The following TTC8 variants were observed in gnomAD, a reference collection of about 807,000 sequenced individuals.
TTC8 encodes tetratricopeptide repeat domain 8, also known as tetratricopeptide repeat protein 8.
Under a neutral mutation model 72.5 loss-of-function variants are expected in TTC8, and 47 were observed. That is an observed-to-expected ratio of 0.65 (90% CI 0.51 to 0.83). The LOEUF is 0.83. Ranked by LOEUF, TTC8 falls within the 40% of genes least tolerant of loss-of-function variation. The pLI is 0.00. For missense variants in TTC8, 611 were observed against 623.2 expected, an observed-to-expected ratio of 0.98 and a Z score of 0.21; for synonymous variants, 199 against 221.4, an observed-to-expected ratio of 0.90 and a Z score of 0.90.
chr14:88,825,021 A>C (rs2094692616), intron 1 of TTC8, among the ~76,000 whole-genome samples, 200 bp downstream of exon 1: 1 of 152,176 alleles, frequency 6.6e-6, no homozygotes, highest in South Asian at 2.1e-4. Flanking sequence ...GGGGATAGCA[A>C]GTTCTGTGCC....
At chr14:88,857,655 C>T (rs985885903) in intron 9 of TTC8, among the ~76,000 whole-genome samples, 2 of 152,090 alleles carry the variant, frequency 1.3e-5, no homozygotes, top group Admixed American at 1.3e-4. Context: ...CCTAGTTACT[C>T]GGCTGAGGCA....
At chr14:88,848,653 C>T (rs1202481608) in intron 7 of TTC8, among the ~76,000 whole-genome samples, 1 of 152,036 alleles carries the variant, frequency 6.6e-6, no homozygotes, top group East Asian at 1.9e-4. Context: ...AAACACTAGG[C>T]AGAAACATGG....
chr14:88,839,860 T>C (rs2094771999), intron 3 of TTC8, among the ~76,000 whole-genome samples: 1 of 152,232 alleles, frequency 6.6e-6, no homozygotes, highest in Admixed American at 6.5e-5. Context: ...AAATAATTTA[T>C]ACCTACATTC....
At chr14:88,843,444 GT>G (rs931983656) in intron 6 of TTC8, among the ~76,000 whole-genome samples, 6 of 151,986 alleles carry the variant, frequency 3.9e-5, no homozygotes, top group African/African-American at 9.7e-5. Context: ...GAAACTTCCA[GT>G]TTTTTTATGT....
At chr14:88,840,427 T>G (rs1172175300) in intron 3 of TTC8, among the ~76,000 whole-genome samples, 1 of 152,214 alleles carries the variant, frequency 6.6e-6, no homozygotes, top group Non-Finnish European at 1.5e-5. Context: ...TTCTTTACCA[T>G]TATTTTGTTC....
chr14:88,869,641 G>A (rs972481002), intron 10 of TTC8, among the ~76,000 whole-genome samples: 1 of 151,938 alleles, frequency 6.6e-6, no homozygotes, highest in Non-Finnish European at 1.5e-5. Context: ...CCCCTCTCAG[G>A]CTCATACATT....
At chr14:88,848,462 TCA>T (rs1451676142) in intron 7 of TTC8, among the ~76,000 whole-genome samples, 1 of 152,212 alleles carries the variant, frequency 6.6e-6, no homozygotes, top group Non-Finnish European at 1.5e-5. Context: ...TTCTGTAATT[TCA>T]CTTCTCAGGA....
rs759284281 is a variant in TTC8, at chr14:88,871,483, A to G, written c.1050-66A>G. 20 of 1,334,770 alleles carry G rather than the reference A, an allele frequency of 1.5e-5. No individual in the cohort carries two copies. The highest frequency in any genetic ancestry group is 2.1e-5 in the Non-Finnish European group (20 of 949,816). The allele number at this position is 1,334,770 out of a possible 1,614,324, so 82.7% of individuals were successfully genotyped here. On this transcript the variant is annotated intron_variant, in intron 11 of 14. Transcript: ENST00000380656. This position sits in a 1 kb window ranked among gnomAD's most constrained non-coding sequence, Gnocchi z 4.1. ...TCATTTTTAACTGTGTAAAATATAT[A>G]TATATATGTCTTAAAACTTACAAAG...
At chr14:88,878,042 G>T (rs2094964031), downstream of TTC8, 1 of 151,942 alleles carries the variant, frequency 6.6e-6, no homozygotes, top group Non-Finnish European at 1.5e-5. Context: ...GGTGAAACAG[G>T]TTTTACAGAA....
intron 9 of TTC8, 56 bp downstream of exon 9, chr14:88,857,333 C>G (rs1214669453): frequency 4.8e-6 from 7 of 1,445,254 alleles, no homozygotes; most frequent in Non-Finnish European, 6.8e-6. Context: ...TGTTTAAATT[C>G]TGGCCATTGC....
At chr14:88,869,718 C>T (rs2094925647) in intron 10 of TTC8, among the ~76,000 whole-genome samples, 1 of 152,140 alleles carries the variant, frequency 6.6e-6, no homozygotes. Flanking sequence ...TCACTTCACT[C>T]AGGTCTTTTC....
downstream of TTC8, chr14:88,878,457 T>A (rs559749966): frequency 2.9e-4 from 44 of 152,336 alleles, no homozygotes; most frequent in African/African-American, 1.0e-3. Flanking sequence ...TTTTCAGATT[T>A]GTATAAATTG....
intron 1 of TTC8, among the ~76,000 whole-genome samples, chr14:88,830,168 A>G (rs893402680): frequency 4.6e-5 from 7 of 152,198 alleles, no homozygotes; most frequent in Admixed American, 6.5e-5. Context: ...AGTGGTGGTA[A>G]TTAGAAAGTT....
At chr14:88,867,383 T>A (rs2094914915) in intron 10 of TTC8, among the ~76,000 whole-genome samples, 1 of 152,204 alleles carries the variant, frequency 6.6e-6, no homozygotes, top group Non-Finnish European at 1.5e-5. Context: ...TTGGTTTTGA[T>A]ATGGAAAGAG....
Position 88,871,641 on chromosome 14 carries a change from C to T in TTC8, c.1142C>T (p.Thr381Ile). 1 of 1,614,116 alleles carries T rather than the reference C, an allele frequency of 6.2e-7. No individual in the cohort carries two copies. Among genetic ancestry groups the T allele is most frequent in the Non-Finnish European group, 8.5e-7 (1 of 1,180,008 alleles). Residue 381 changes from threonine to isoleucine, a missense_variant, in exon 12 of 15, where the codon ACC becomes ATC. By Grantham distance (89) the Thr-to-Ile change is moderately conservative (BLOSUM62 -1). Coordinates refer to ENST00000380656, the MANE Select transcript of TTC8 (RefSeq NM_144596.4). The surrounding 1 kb of genome is among the most constrained non-coding windows in gnomAD (Gnocchi z 4.1). ...GCCCAGCAGTATGATATGACTCTGA[C>T]CTCATTTGAACGTGCCCTTTCTTTG... ...FYAQQYDMTLTSFERALSLAE... is the reference protein window; with the variant it reads ...FYAQQYDMTLISFERALSLAE...
In TTC8 at chr14:88,877,366, CA is replaced by C; in HGVS notation, c.1506del (p.Gln502HisfsTer3). 1 of 1,613,750 alleles carries C rather than the reference CA, an allele frequency of 6.2e-7. No homozygotes were observed. Among genetic ancestry groups the C allele is most frequent in the Non-Finnish European group, 8.5e-7 (1 of 1,179,790 alleles). Reference sequence around the variant, plus strand: ...AGCATTTCCAGACCATGTGGACACACAACATTTAATTAAACAATTAAGGCAG... The same window carrying C: ...AGCATTTCCAGACCATGTGGACACACACATTTAATTAAACAATTAAGGCAG... ...EAAFPDHVDT[Q>X]HLIKQLRQHF... is the part of the protein sequence containing the mutation. On this transcript the variant is annotated frameshift_variant, in exon 15 of 15. Transcript: ENST00000380656. LOFTEE classifies it high-confidence loss of function.
At chr14:88,833,788 C>T in intron 2 of TTC8, 66 bp downstream of exon 2, 1 of 1,489,326 alleles carries the variant, frequency 6.7e-7, no homozygotes, top group Non-Finnish European at 9.4e-7. Flanking sequence ...TTAGTTGTTG[C>T]TATAGATTAG....
chr14:88,844,753 T>G (rs1350845164), intron 7 of TTC8, among the ~76,000 whole-genome samples: 1 of 151,812 alleles, frequency 6.6e-6, no homozygotes, highest in African/African-American at 2.4e-5. Flanking sequence ...GCTCTCCCTA[T>G]GTTTCCCAGG....
intron 1 of TTC8, chr14:88,831,038 A>G: frequency 2.6e-6 from 1 of 380,052 alleles, no homozygotes; most frequent in Non-Finnish European, 5.3e-6. Context: ...CCTTTGAGGT[A>G]AGAGACCAAC....
Sources: gnomAD v4.1 joint callset for allele counts (sites outside exome capture counted in the v4.1 genomes callset) on GRCh38, gnomAD v4.1.1 for gene constraint, Gnocchi (gnomAD v3.1) non-coding constraint, MANE v1.5 for transcripts, NCBI Gene and HGNC (gene_info 2026-07-23, HGNC 2026-07-21) for gene names.